Variants in HELZ observed in about 807,000 individuals in gnomAD.
The protein encoded by HELZ is helicase with zinc finger.
A neutral mutation model predicts 218.2 loss-of-function variants in HELZ; 23 were observed. The observed-to-expected ratio is 0.11, with a 90% CI of 0.08 to 0.15. The LOEUF (loss-of-function observed/expected upper bound fraction) is 0.15. Among genes scored for constraint, HELZ ranks in the 10% least tolerant of loss-of-function variants. HELZ has a pLI of 1.00. For missense variants in HELZ, 1,813 were observed against 2,353.7 expected (o/e 0.77, Z 4.75); for synonymous variants, 814 against 829.4 (o/e 0.98, Z 0.32).
rs531541345 is a variant in HELZ, at chr17:67,176,496, A to T, written c.1430+2163T>A. On this transcript the variant is annotated intron_variant, in intron 13 of 32. Transcript: ENST00000358691. ...TGGAATTTCCACACCAAAAGATTCAAACTTAAGGTCCTGGATACAAACTGC... is the reference window on the plus strand; with the variant it reads ...TGGAATTTCCACACCAAAAGATTCATACTTAAGGTCCTGGATACAAACTGC... 3 of 152,292 alleles carry T rather than the reference A, an allele frequency of 2.0e-5. No homozygotes were observed. In the East Asian group the frequency reaches 5.8e-4, roughly 29 times the overall value. The allele number at this position is 152,292 out of a possible 1,614,324, so 9.4% of individuals were successfully genotyped here.
At chr17:67,168,082 A>C (rs1439786448) in intron 13 of HELZ, among the ~76,000 whole-genome samples, 1 of 152,034 alleles carries the variant, frequency 6.6e-6, no homozygotes, top group Non-Finnish European at 1.5e-5. Context: ...TCCCAGGTTC[A>C]AGAATTCTCC....
In HELZ at chr17:67,218,732, C is replaced by T. The variant is rs2040670856; in HGVS notation, c.73G>A (p.Ala25Thr). The change falls in exon 4 of 33, where the codon GCC becomes ACC. Residue 25 changes from alanine (A) to threonine (T), a missense_variant. Coordinates refer to ENST00000358691, the MANE Select transcript of HELZ (RefSeq NM_014877.4). ...AGGGCCTCTGTGCAGTGCTTGAGGG[C>T]CATTTCATAGTCCTGCCTCTTAAGT... ...ESLKRQDYEMALKHCTEALLS... is the reference protein window; with the variant it reads ...ESLKRQDYEMTLKHCTEALLS... The T allele has an allele frequency of 1.2e-6, 2 of 1,614,178 alleles. No homozygotes were observed. The highest frequency in any genetic ancestry group is 2.2e-5 in the South Asian group (2 of 91,086).
At chr17:67,117,223 C>T (rs1470386729) in intron 27 of HELZ, among the ~76,000 whole-genome samples, 2 of 152,162 alleles carry the variant, frequency 1.3e-5, no homozygotes, top group African/African-American at 4.8e-5. Flanking sequence ...AAATAAACCA[C>T]ATTCTGGGCT....
At chr17:67,195,374 C>G (rs1311229101) in intron 8 of HELZ, 45 bp downstream of exon 8, 2 of 1,150,182 alleles carry the variant, frequency 1.7e-6, no homozygotes, top group African/African-American at 3.0e-5. Context: ...AAAAGCAAAG[C>G]CCTTATTCAC....
chr17:67,223,403 C>T (rs2040803416), intron 3 of HELZ, among the ~76,000 whole-genome samples: 1 of 152,144 alleles, frequency 6.6e-6, no homozygotes. Flanking sequence ...ATCACATTCG[C>T]CCATTGCTGA....
Position 67,151,215 on chromosome 17 carries a change from G to A in HELZ, c.2187C>T (p.Phe729=), listed in dbSNP as rs1567844377. 4.4e-6 allele frequency: 7 copies of A among 1,604,770 alleles called. No individual in the cohort carries two copies. The highest frequency in any genetic ancestry group is 6.0e-6 in the Non-Finnish European group (7 of 1,174,148). The change falls in exon 18 of 33, where the codon TTC becomes TTT. Residue 729 remains phenylalanine, a synonymous_variant. Coordinates refer to ENST00000358691, the MANE Select transcript of HELZ (RefSeq NM_014877.4). ...GGACAGTCTTTACCCAGCGATTTCTGAAATATACCCTGGAAAAGAAGAAAA... is the reference window on the plus strand; with the variant it reads ...GGACAGTCTTTACCCAGCGATTTCTAAAATATACCCTGGAAAAGAAGAAAA... The part of the protein sequence containing the change: ...NPQARPLRVY[F]RNRWVKTVHP...
chr17:67,181,488 A>G (rs1389736121), intron 12 of HELZ, among the ~76,000 whole-genome samples: 1 of 152,104 alleles, frequency 6.6e-6, no homozygotes, highest in African/African-American at 2.4e-5. Context: ...ATTTTATGAA[A>G]CTCTTAAATG....
intron 3 of HELZ, chr17:67,224,728 A>G (rs2040844141): frequency 2.0e-6 from 2 of 1,009,792 alleles, no homozygotes; most frequent in Admixed American, 1.8e-5. Context: ...TCATGCAAAC[A>G]TGGTGAACGT....
chr17:67,089,676 G>GAC, intron 31 of HELZ, among the ~76,000 whole-genome samples: 1 of 87,370 alleles, frequency 1.1e-5, no homozygotes, highest in African/African-American at 4.2e-5. Flanking sequence ...TATAGAGAGA[G>GAC]AGAGAGAGAG....
intron 23 of HELZ, among the ~76,000 whole-genome samples, chr17:67,130,248 AG>A (rs2143898250): frequency 6.6e-6 from 1 of 152,212 alleles, no homozygotes; most frequent in Non-Finnish European, 1.5e-5. Flanking sequence ...TACTCAGGTG[AG>A]GGGTACACTA....
chr17:67,203,608 C>A (rs2040224056), intron 5 of HELZ, among the ~76,000 whole-genome samples, 165 bp from the exon 6 acceptor site: 1 of 152,114 alleles, frequency 6.6e-6, no homozygotes, highest in African/African-American at 2.4e-5. Flanking sequence ...CCAAAACAGG[C>A]ATATAAGAAC....
chr17:67,203,542 TG>T, intron 5 of HELZ, 99 bp from the exon 6 acceptor site: 29 of 1,390,254 alleles, frequency 2.1e-5, no homozygotes, highest in Non-Finnish European at 2.9e-5. Context: ...GCTTTTTATA[TG>T]CTAAAAGAGT....
intron 17 of HELZ, among the ~76,000 whole-genome samples, chr17:67,159,589 A>C (rs927637542): frequency 4.6e-5 from 7 of 152,172 alleles, no homozygotes; most frequent in African/African-American, 1.4e-4. Flanking sequence ...AATGAAAGCA[A>C]ATGGTATAAT....
chr17:67,184,303 G>C (rs1598387534), intron 12 of HELZ, among the ~76,000 whole-genome samples: 2 of 152,180 alleles, frequency 1.3e-5, no homozygotes, highest in East Asian at 3.8e-4. Context: ...TACACCTTCG[G>C]TGTTATTATT....
intron 3 of HELZ, chr17:67,225,016 GAA>G (rs1297960492): frequency 4.7e-5 from 32 of 683,234 alleles, no homozygotes; most frequent in Non-Finnish European, 2.7e-6. Flanking sequence ...GGAGATAAGA[GAA>G]AGGGTCAAGT....
intron 20 of HELZ, among the ~76,000 whole-genome samples, chr17:67,147,444 C>T (rs2038534790): frequency 6.6e-6 from 1 of 152,088 alleles, no homozygotes; most frequent in African/African-American, 2.4e-5. Context: ...TTCACCTGCC[C>T]CAAAGCAGGA....
At chr17:67,147,452 G>A (rs1451595297) in intron 20 of HELZ, among the ~76,000 whole-genome samples, 1 of 151,990 alleles carries the variant, frequency 6.6e-6, no homozygotes, top group Non-Finnish European at 1.5e-5. Flanking sequence ...CCCCAAAGCA[G>A]GACTCTAATC....
chr17:67,124,477 T>C (rs1209836700), intron 24 of HELZ, among the ~76,000 whole-genome samples: 1 of 152,112 alleles, frequency 6.6e-6, no homozygotes, highest in Non-Finnish European at 1.5e-5. Context: ...ATTTATGACG[T>C]TTTGAGTATA....
chr17:67,127,825 GAC>G (rs1455052635), intron 24 of HELZ, among the ~76,000 whole-genome samples: 1 of 147,378 alleles, frequency 6.8e-6, no homozygotes, highest in African/African-American at 2.5e-5. Flanking sequence ...CAGCCTGGGT[GAC>G]AGAGATCCCC....
Sources: allele counts gnomAD v4.1 joint callset (sites outside exome capture counted in the v4.1 genomes callset), GRCh38; gene constraint gnomAD v4.1.1; transcripts MANE v1.5; gene names NCBI Gene and HGNC (gene_info 2026-07-23, HGNC 2026-07-21).